The following GNAQ variants were observed in gnomAD, a reference collection of about 807,000 sequenced individuals.
GNAQ encodes the protein G protein subunit alpha q.
A neutral mutation model predicts 43.9 loss-of-function variants in GNAQ; 8 were observed. That is an observed-to-expected ratio of 0.18 (90% CI 0.11 to 0.33). The LOEUF is 0.33. GNAQ is among the 10% of genes least tolerant of loss of function. The probability of loss-of-function intolerance (pLI) is 1.00; values close to 1 mark genes in which losing one functional copy is unlikely to be tolerated. For missense variants in GNAQ, 158 were observed against 450.8 expected, an observed-to-expected ratio of 0.35 and a Z score of 5.88; for synonymous variants, 155 against 170.7, an observed-to-expected ratio of 0.91 and a Z score of 0.71.
intron 5 of GNAQ, among the ~76,000 whole-genome samples, chr9:77,789,136 C>T (rs188852484): frequency 9.0e-4 from 137 of 152,290 alleles, no homozygotes; most frequent in Admixed American, 1.8e-3. Flanking sequence ...TTCTTAATCT[C>T]ACCATCCAAT....
Position 77,716,628 on chromosome 9 carries a change from GA to G in GNAQ, c.*4694del. The G allele has an allele frequency of 8.6e-6, 2 of 232,848 alleles. No individual in the cohort carries two copies. The highest frequency in any genetic ancestry group is 1.7e-5 in the Non-Finnish European group (2 of 117,846). The allele number at this position is 232,848 out of a possible 1,614,324, so 14.4% of individuals were successfully genotyped here. A position where few individuals can be genotyped will look rare whatever the true frequency, so the allele number is the denominator to read the frequency against. On this transcript the variant is annotated 3_prime_UTR_variant, in exon 7 of 7. Transcript: ENST00000286548. ...TAGTATTATTCCAGCTTTCTTTCCTGAACTTAAAAATGTTCTACCAACGAAT... is the reference window on the plus strand; with the variant it reads ...TAGTATTATTCCAGCTTTCTTTCCTGACTTAAAAATGTTCTACCAACGAAT...
intron 3 of GNAQ, among the ~76,000 whole-genome samples, chr9:77,813,848 G>A (rs1826968070): frequency 6.6e-6 from 1 of 152,104 alleles, no homozygotes; most frequent in Non-Finnish European, 1.5e-5. Flanking sequence ...AAAGATAGAG[G>A]TTAGAAGAAA....
rs111767270 is a variant in GNAQ at position 77,751,264 on chromosome 9, T to C, written c.736-22597A>G. On this transcript the variant is annotated intron_variant, in intron 5 of 6. Transcript: ENST00000286548. ...ATTTTGCCAAACCTGCTTTGTGGTCTTGCCTTGCTAAGATCTGGAAGAATT... is the reference window on the plus strand; with the variant it reads ...ATTTTGCCAAACCTGCTTTGTGGTCCTGCCTTGCTAAGATCTGGAAGAATT... Among the ~76,000 whole-genome samples, 870 of 152,318 alleles carry C rather than the reference T, an allele frequency of 5.7e-3. 2 individuals are homozygous for C. Among genetic ancestry groups the C allele is most frequent in the African/African-American group, 0.02 (822 of 41,568 alleles).
intron 3 of GNAQ, among the ~76,000 whole-genome samples, chr9:77,801,723 A>G (rs184865103): frequency 1.3e-5 from 2 of 152,262 alleles, no homozygotes; most frequent in Non-Finnish European, 2.9e-5. Flanking sequence ...AAACCAAACC[A>G]AACAAAAACC....
intron 5 of GNAQ, among the ~76,000 whole-genome samples, chr9:77,751,596 CAG>C (rs1825811923): frequency 6.6e-6 from 1 of 152,150 alleles, no homozygotes. Flanking sequence ...TGGGGATGGA[CAG>C]AGACGTGGAA....
In GNAQ at chr9:77,716,851, A is replaced by G. The variant is rs146898251; in HGVS notation, c.*4472T>C. The G allele has an allele frequency of 4.3e-5, 10 of 232,840 alleles. No homozygotes were observed. The highest frequency in any genetic ancestry group is 1.3e-3 in the Middle Eastern group (1 of 782). 14.4% of individuals were successfully genotyped at this position (232,840 alleles called of 1,614,324 possible). ...GGAAATTAATATTTGAGCACCTACT[A>G]TGTGCTAGGTGTGTATTCATACTTT... On this transcript the variant is annotated 3_prime_UTR_variant, in exon 7 of 7. Coordinates refer to ENST00000286548, the MANE Select transcript of GNAQ (RefSeq NM_002072.5).
At chr9:77,912,071 C>T (rs1342248362) in intron 2 of GNAQ, among the ~76,000 whole-genome samples, 2 of 152,156 alleles carry the variant, frequency 1.3e-5, no homozygotes, top group South Asian at 2.1e-4. Context: ...TTTAAAAGTA[C>T]ACAGGAATAA....
intron 5 of GNAQ, among the ~76,000 whole-genome samples, chr9:77,757,249 A>G (rs911303752): frequency 8.5e-5 from 13 of 152,240 alleles, no homozygotes; most frequent in African/African-American, 3.1e-4. Context: ...CATAAGCACG[A>G]CAAACAAGCC....
chr9:77,783,746 A>G (rs547334438), intron 5 of GNAQ, among the ~76,000 whole-genome samples: 22 of 152,168 alleles, frequency 1.4e-4, no homozygotes, highest in Admixed American at 5.9e-4. Flanking sequence ...TTTGGCACAG[A>G]GCACTTCTGA....
intron 1 of GNAQ, among the ~76,000 whole-genome samples, chr9:78,027,091 A>G (rs759411727): frequency 2.0e-5 from 3 of 152,214 alleles, no homozygotes; most frequent in Non-Finnish European, 4.4e-5. Context: ...TACTTTAAGC[A>G]TGACTGTTAC....
intron 2 of GNAQ, among the ~76,000 whole-genome samples, chr9:77,853,004 G>A (rs1827694838): frequency 6.6e-6 from 1 of 152,124 alleles, no homozygotes; most frequent in Non-Finnish European, 1.5e-5. Context: ...TCCAGATGGA[G>A]AAAAGAACAT....
At chr9:77,824,512 T>C (rs1827164825) in intron 2 of GNAQ, among the ~76,000 whole-genome samples, 1 of 152,176 alleles carries the variant, frequency 6.6e-6, no homozygotes, top group Non-Finnish European at 1.5e-5. Flanking sequence ...GATACAACTG[T>C]GATTTATGTG....
At chr9:77,940,355 T>C (rs150450219) in intron 1 of GNAQ, among the ~76,000 whole-genome samples, 17 of 151,964 alleles carry the variant, frequency 1.1e-4, no homozygotes, top group Middle Eastern at 3.4e-3. Context: ...CCAAAGCGAG[T>C]GGACTGCCTA....
intron 2 of GNAQ, among the ~76,000 whole-genome samples, chr9:77,899,250 C>A (rs1035854185): frequency 6.6e-5 from 10 of 152,078 alleles, no homozygotes; most frequent in African/African-American, 2.2e-4. Context: ...GCATGCACCA[C>A]CACACCCAGC....
chr9:77,865,560 C>A (rs1213315697), intron 2 of GNAQ, among the ~76,000 whole-genome samples: 2 of 152,186 alleles, frequency 1.3e-5, no homozygotes, highest in Non-Finnish European at 2.9e-5. Context: ...AACCACGTGA[C>A]AAATTTAATT....
At chr9:77,993,168 C>T (rs12238732) in intron 1 of GNAQ, among the ~76,000 whole-genome samples, 19,320 of 152,040 alleles carry the variant, frequency 0.13, 1,446 homozygotes, top group East Asian at 0.32. Context: ...TCTAAATAGG[C>T]TCTAAAGGTC....
chr9:77,885,575 G>A (rs915040649), intron 2 of GNAQ, among the ~76,000 whole-genome samples: 1 of 152,122 alleles, frequency 6.6e-6, no homozygotes, highest in Non-Finnish European at 1.5e-5. Flanking sequence ...AGTAGCTACA[G>A]CATTCTACAT....
intron 2 of GNAQ, among the ~76,000 whole-genome samples, chr9:77,868,117 T>TA (rs1392594219): frequency 3.9e-5 from 6 of 152,358 alleles, no homozygotes; most frequent in East Asian, 1.9e-4. Flanking sequence ...TTAGACTTTA[T>TA]AAGTACATGT....
At chr9:77,734,520 ACAGTC>A (rs1249555713) in intron 5 of GNAQ, among the ~76,000 whole-genome samples, 1 of 33,590 alleles carries the variant, frequency 3.0e-5, no homozygotes, top group Non-Finnish European at 1.8e-4. Flanking sequence ...TGAGGGCCTG[ACAGTC>A]ATCTATGCAT....
Sources: allele counts gnomAD v4.1 joint callset (sites outside exome capture counted in the v4.1 genomes callset), GRCh38; gene constraint gnomAD v4.1.1; transcripts MANE v1.5; gene names NCBI Gene and HGNC (gene_info 2026-07-23, HGNC 2026-07-21).